The following CRACDL variants were observed in gnomAD, a reference collection of about 807,000 sequenced individuals.
The protein encoded by CRACDL is CRACD-like protein.
CRACDL carries 26 observed loss-of-function variants against 70.6 expected under a neutral mutation model. The ratio of observed to expected loss-of-function variants is 0.37; its 90% confidence interval spans 0.27 to 0.51. The LOEUF (loss-of-function observed/expected upper bound fraction) is 0.51. CRACDL is among the 20% of genes least tolerant of loss of function. The probability of loss-of-function intolerance (pLI) is 0.94; values close to 1 mark genes in which losing one functional copy is unlikely to be tolerated. For missense variants in CRACDL, 1,283 were observed against 1,376.9 expected (o/e 0.93, Z 1.08); for synonymous variants, 618 against 615.2 (o/e 1.00, Z -0.07).
At position 98,822,481 on chromosome 2, in the gene CRACDL, G is replaced by A; in HGVS notation, c.1792C>T (p.Leu598=). ...SRPLERASGR[L]PLARSGPVWR... ...ACCGGGCCGCTCCTCGCGAGGGGCAGGCGGCCGCTGGCCCGTTCCAGCGGG... is the reference window on the plus strand; with the variant it reads ...ACCGGGCCGCTCCTCGCGAGGGGCAAGCGGCCGCTGGCCCGTTCCAGCGGG... The change falls in exon 7 of 10, where the codon CTG becomes TTG. Residue 598 remains leucine, a synonymous_variant. Coordinates refer to ENST00000397899, the MANE Select transcript of CRACDL (RefSeq NM_207362.3). The surrounding 1 kb of genome is among the most constrained non-coding windows in gnomAD (Gnocchi z 4.9). 1 of 1,470,334 alleles carries A rather than the reference G, an allele frequency of 6.8e-7. No homozygotes were observed. The highest frequency in any genetic ancestry group is 1.3e-5 in the South Asian group (1 of 77,538). The allele number at this position is 1,470,334 out of a possible 1,614,324, so 91.1% of individuals were successfully genotyped here.
chr2:98,914,487 C>T (rs561935277), intron 1 of CRACDL, among the ~76,000 whole-genome samples: 1 of 152,350 alleles, frequency 6.6e-6, no homozygotes, highest in East Asian at 1.9e-4. Context: ...AGTCCTGTCC[C>T]CGCTGAGGTG....
At chr2:98,868,025 C>T (rs969947523) in intron 1 of CRACDL, among the ~76,000 whole-genome samples, 4 of 152,224 alleles carry the variant, frequency 2.6e-5, no homozygotes, top group African/African-American at 9.7e-5. Context: ...AACATCACCA[C>T]TCTATCCTGG....
chr2:98,924,658 C>T (rs1411000015), intron 1 of CRACDL, among the ~76,000 whole-genome samples: 1 of 152,202 alleles, frequency 6.6e-6, no homozygotes, highest in Non-Finnish European at 1.5e-5. Context: ...AAACATGCCT[C>T]CCCTAAGGGG....
intron 1 of CRACDL, among the ~76,000 whole-genome samples, chr2:98,852,163 G>A (rs1172179259): frequency 1.3e-5 from 2 of 152,244 alleles, no homozygotes; most frequent in South Asian, 4.1e-4. Context: ...AAAAACTTCA[G>A]AGAGAGGAGC....
chr2:98,838,909 C>T (rs1050186906), intron 2 of CRACDL, among the ~76,000 whole-genome samples: 7 of 152,174 alleles, frequency 4.6e-5, no homozygotes, highest in African/African-American at 7.2e-5. Context: ...ATTCACCACA[C>T]TTTTCAACAT....
intron 5 of CRACDL, among the ~76,000 whole-genome samples, chr2:98,829,124 A>G (rs994296465): frequency 6.6e-6 from 1 of 152,254 alleles, no homozygotes; most frequent in Admixed American, 6.5e-5. Context: ...TGTGACAATA[A>G]TACCCCTGAC....
chr2:98,813,874 T>A (rs1042236389), intron 7 of CRACDL, among the ~76,000 whole-genome samples: 1 of 152,214 alleles, frequency 6.6e-6, no homozygotes, highest in Admixed American at 6.5e-5. Context: ...ACCTACAGAT[T>A]TGATCACTTT....
At chr2:98,881,039 T>C (rs1024453990) in intron 1 of CRACDL, among the ~76,000 whole-genome samples, 5 of 152,184 alleles carry the variant, frequency 3.3e-5, no homozygotes, top group Non-Finnish European at 7.4e-5. Context: ...GCAGGGCTCC[T>C]AGTGGCTTCA....
At chr2:98,802,369 G>A (rs992439613) in intron 7 of CRACDL, among the ~76,000 whole-genome samples, 4 of 152,238 alleles carry the variant, frequency 2.6e-5, no homozygotes, top group South Asian at 2.1e-4. Context: ...GATGAGAGCC[G>A]TTTTCATCTG....
At chr2:98,838,039 C>T (rs1291984399) in intron 3 of CRACDL, 80 bp downstream of exon 3, 3 of 1,284,750 alleles carry the variant, frequency 2.3e-6, no homozygotes, top group Non-Finnish European at 3.2e-6. Context: ...AAAGGGGGCT[C>T]AGAAATCCAG....
chr2:98,928,745 C>T (rs1708995121), intron 1 of CRACDL, among the ~76,000 whole-genome samples: 1 of 152,020 alleles, frequency 6.6e-6, no homozygotes, highest in African/African-American at 2.4e-5. Context: ...CCAAGCCTCA[C>T]AAAGCAAGTG....
At chr2:98,807,525 C>A (rs1704361531) in intron 7 of CRACDL, among the ~76,000 whole-genome samples, 1 of 152,196 alleles carries the variant, frequency 6.6e-6, no homozygotes, top group African/African-American at 2.4e-5. Flanking sequence ...CCCATGCCTG[C>A]CCCAGCTGAG....
chr2:98,826,681 G>A (rs1315740554), intron 6 of CRACDL, among the ~76,000 whole-genome samples: 1 of 152,164 alleles, frequency 6.6e-6, no homozygotes, highest in African/African-American at 2.4e-5. Flanking sequence ...CCTGGAGCGT[G>A]GACTTTCCTC....
At chr2:98,835,611 A>G (rs576600871) in intron 3 of CRACDL, among the ~76,000 whole-genome samples, 2 of 152,328 alleles carry the variant, frequency 1.3e-5, no homozygotes, top group South Asian at 4.1e-4. Flanking sequence ...ATATTTGGAA[A>G]AAAAAAGAAA....
intron 2 of CRACDL, 44 bp from the exon 3 acceptor site, chr2:98,838,331 T>G: frequency 8.9e-7 from 1 of 1,117,592 alleles, no homozygotes; most frequent in Non-Finnish European, 1.3e-6. Flanking sequence ...ACTGTTACAG[T>G]GTGTGTTTAT....
At chr2:98,877,330 G>A (rs994975142) in intron 1 of CRACDL, among the ~76,000 whole-genome samples, 9 of 152,308 alleles carry the variant, frequency 5.9e-5, no homozygotes, top group Admixed American at 1.3e-4. Flanking sequence ...CATGCACCAC[G>A]TAACGGTGTT....
intron 8 of CRACDL, among the ~76,000 whole-genome samples, chr2:98,797,041 G>C (rs1345865319): frequency 6.6e-6 from 1 of 152,188 alleles, no homozygotes; most frequent in Non-Finnish European, 1.5e-5. Context: ...TCTAGATGCT[G>C]AGCTGCTGCG....
At chr2:98,830,802 G>A (rs577221501) in intron 5 of CRACDL, among the ~76,000 whole-genome samples, 19 of 152,294 alleles carry the variant, frequency 1.2e-4, no homozygotes, top group Admixed American at 7.2e-4. Context: ...TTGGAGATAG[G>A]CTTGCTCTTC....
At chr2:98,818,392 C>G (rs546314348) in intron 7 of CRACDL, among the ~76,000 whole-genome samples, 44 of 152,264 alleles carry the variant, frequency 2.9e-4, no homozygotes, top group African/African-American at 7.2e-4. Flanking sequence ...AGAAGGAAAA[C>G]AAGGTGTGGA....
Sources: gnomAD v4.1 joint callset for allele counts (sites outside exome capture counted in the v4.1 genomes callset) on GRCh38, gnomAD v4.1.1 for gene constraint, Gnocchi (gnomAD v3.1) non-coding constraint, MANE v1.5 for transcripts, NCBI Gene and HGNC (gene_info 2026-07-23, HGNC 2026-07-21) for gene names.